SOX1: variants seen among roughly 807,000 people sequenced by gnomAD.
SOX1 encodes SRY-box transcription factor 1.
Under a neutral mutation model 0.9 loss-of-function variants are expected in SOX1, and 1 was observed. The observed-to-expected ratio is 1.07, with a 90% CI of 0.38 to 5.06. SOX1 has a LOEUF of 5.06. Ranked by LOEUF, SOX1 falls within the 30% of genes most tolerant of loss-of-function variation. SOX1 has a pLI of 0.16. For synonymous variants in SOX1, 397 were observed against 265.5 expected (o/e 1.50, Z -4.81); for missense variants, 564 against 534.4 (o/e 1.06, Z -0.55).
Position 112,070,865 on chromosome 13 carries a change from CCT to C in SOX1, c.*2034_*2035del, listed in dbSNP as rs576112587. Among the ~76,000 whole-genome samples, 489 of 150,710 alleles carry C rather than the reference CCT, an allele frequency of 3.2e-3. 10 individuals carry two copies. The highest frequency in any genetic ancestry group is 0.011 in the African/African-American group (463 of 40,410). ...TTCTAACAAGATAATAAACCCCCCCCCTCTTTTCTTTTTCTTTATTTTTATTT... is the reference window on the plus strand; with the variant it reads ...TTCTAACAAGATAATAAACCCCCCCCCTTTTCTTTTTCTTTATTTTTATTT... On this transcript the variant is annotated 3_prime_UTR_variant, in exon 1 of 1. Coordinates refer to ENST00000330949, the MANE Select transcript of SOX1 (RefSeq NM_005986.3).
Position 112,068,238 on chromosome 13 carries a change from G to T in SOX1, c.580G>T (p.Gly194Cys). The change falls in exon 1 of 1, where the codon GGC (glycine) becomes TGC (cysteine). Residue 194 changes from glycine to cysteine, a missense_variant. Physicochemically the swap from Gly to Cys is radical, Grantham distance 159. Transcript: ENST00000330949. This position sits in a 1 kb window ranked among gnomAD's most constrained non-coding sequence, Gnocchi z 6.9. Reference sequence around the variant, plus strand: ...CGGCTGGGCCAACGGCGCCTACCCCGGCTCGGTGGCGGCGGCGGCGGCGGC... The same window carrying T: ...CGGCTGGGCCAACGGCGCCTACCCCTGCTCGGTGGCGGCGGCGGCGGCGGC... ...VNGWANGAYP[G>C]SVAAAAAAAA... 1.3e-6 allele frequency: 1 copy of T among 756,912 alleles called. No homozygotes were observed. The highest frequency in any genetic ancestry group is 1.6e-6 in the Non-Finnish European group (1 of 616,748). 46.9% of individuals were successfully genotyped at this position (756,912 alleles called of 1,614,324 possible).
Position 112,068,388 on chromosome 13 carries a change from C to T in SOX1, c.730C>T (p.Gln244Ter). 1 of 1,295,342 alleles carries T rather than the reference C, an allele frequency of 7.7e-7. No homozygotes were observed. Among genetic ancestry groups the T allele is most frequent in the South Asian group, 1.4e-5 (1 of 71,128 alleles). 80.2% of individuals were successfully genotyped at this position (1,295,342 alleles called of 1,614,324 possible). Residue 244 changes from glutamine to a stop codon, truncating the protein, a stop_gained, in exon 1 of 1, where the codon CAG (glutamine) becomes TAG (stop). Coordinates refer to ENST00000330949, the MANE Select transcript of SOX1 (RefSeq NM_005986.3). LOFTEE classifies it low-confidence loss of function (END_TRUNC). The surrounding 1 kb of genome is among the most constrained non-coding windows in gnomAD (Gnocchi z 6.9). ...CCCGCACGCGCACCCGCACAACCCG[C>T]AGCCCATGCACCGCTACGACATGGG... ...HHPHAHPHNP[Q>*]PMHRYDMGAL...
At position 112,067,450 on chromosome 13, in the gene SOX1, T is replaced by A. The variant is rs1188473536; in HGVS notation, c.-209T>A. ...AGTGGTTTGTGCATCAGGAGAAACTTTCCACCTGCGAGCCGAACCGGCGCC... is the reference window on the plus strand; with the variant it reads ...AGTGGTTTGTGCATCAGGAGAAACTATCCACCTGCGAGCCGAACCGGCGCC... On this transcript the variant is annotated 5_prime_UTR_variant, in exon 1 of 1. Transcript: ENST00000330949. The surrounding 1 kb of genome is among the most constrained non-coding windows in gnomAD (Gnocchi z 5.1). Among the ~76,000 whole-genome samples the A allele has an allele frequency of 1.3e-5, 2 of 152,068 alleles. No individual in the cohort carries two copies. The highest frequency in any genetic ancestry group is 2.9e-5 in the Non-Finnish European group (2 of 68,000).
Position 112,067,965 on chromosome 13 carries a change from G to A in SOX1, c.307G>A (p.Glu103Lys). 1 of 1,607,308 alleles carries A rather than the reference G, an allele frequency of 6.2e-7. No homozygotes were observed. Among genetic ancestry groups the A allele is most frequent in the Non-Finnish European group, 8.5e-7 (1 of 1,176,666 alleles). Residue 103 changes from glutamate to lysine, a missense_variant, in exon 1 of 1, where the codon GAG (glutamate) becomes AAG (lysine). Physicochemically the swap from Glu to Lys is moderately conservative, Grantham distance 56. Transcript: ENST00000330949. This position sits in a 1 kb window ranked among gnomAD's most constrained non-coding sequence, Gnocchi z 5.1. ...SEAEKRPFID[E>K]AKRLRALHMK... ...GGCCGAGAAGCGGCCGTTCATCGAC[G>A]AGGCCAAGCGGCTGCGCGCGCTGCA...
At position 112,067,755 on chromosome 13, in the gene SOX1, G is replaced by T; in HGVS notation, c.97G>T (p.Gly33Cys). Residue 33 changes from glycine to cysteine, a missense_variant, in exon 1 of 1, where the codon GGC becomes TGC. Transcript: ENST00000330949. The surrounding 1 kb of genome is among the most constrained non-coding windows in gnomAD (Gnocchi z 5.1). Reference sequence around the variant, plus strand: ...CCCCGCCGGGGCGGGCGGCGGCGGGGGCGGAGGCGGGGGCGGCGGCGGCGG... The same window carrying T: ...CCCCGCCGGGGCGGGCGGCGGCGGGTGCGGAGGCGGGGGCGGCGGCGGCGG... The part of the protein sequence containing the change: ...SGPAGAGGGG[G>C]GGGGGGGGGG... 1 of 1,242,438 alleles carries T rather than the reference G, an allele frequency of 8.0e-7. No individual in the cohort carries two copies. The highest frequency in any genetic ancestry group is 1.0e-6 in the Non-Finnish European group (1 of 987,616). 77.0% of individuals were successfully genotyped at this position (1,242,438 alleles called of 1,614,324 possible).
chr13:112,067,754 GGGCGGA>G lies in SOX1; in HGVS notation c.102_107del (p.Gly42_Gly43del), dbSNP rs1001889852. ...GCCCCGCCGGGGCGGGCGGCGGCGGGGGCGGAGGCGGGGGCGGCGGCGGCGGCGGGG... is the reference window on the plus strand; with the variant it reads ...GCCCCGCCGGGGCGGGCGGCGGCGGGGGCGGGGGCGGCGGCGGCGGCGGGG... On this transcript the variant is annotated inframe_deletion, in exon 1 of 1. Coordinates refer to ENST00000330949, the MANE Select transcript of SOX1 (RefSeq NM_005986.3). This position sits in a 1 kb window ranked among gnomAD's most constrained non-coding sequence, Gnocchi z 5.1. 4.8e-5 allele frequency: 60 copies of G among 1,237,556 alleles called. No homozygotes were observed. The highest frequency in any genetic ancestry group is 1.9e-4 in the African/African-American group (12 of 62,718). 76.7% of individuals were successfully genotyped at this position (1,237,556 alleles called of 1,614,324 possible).
rs1875849319 is a variant in SOX1 at position 112,070,866 on chromosome 13, C to CA, written c.*2032_*2033insA. Among the ~76,000 whole-genome samples the CA allele has an allele frequency of 6.7e-6, 1 of 149,546 alleles. No homozygotes were observed. The highest frequency in any genetic ancestry group is 2.5e-5 in the African/African-American group (1 of 39,414). On this transcript the variant is annotated 3_prime_UTR_variant, in exon 1 of 1. Transcript: ENST00000330949. ...TCTAACAAGATAATAAACCCCCCCC[C>CA]TCTTTTCTTTTTCTTTATTTTTATT... is the stretch of plus-strand genomic sequence containing the variant.
In SOX1 at chr13:112,070,032, A is replaced by C. The variant is rs1245154957; in HGVS notation, c.*1198A>C. On this transcript the variant is annotated 3_prime_UTR_variant, in exon 1 of 1. Transcript: ENST00000330949. ...GGACCCTGGACCAGGCCATGGATGA[A>C]GGACAAAGACCAGGGCAGGTCACGG... The C allele has an allele frequency of 1.2e-5, 2 of 167,062 alleles. No homozygotes were observed. Among genetic ancestry groups the C allele is most frequent in the East Asian group, 3.9e-4 (2 of 5,190 alleles). 10.3% of individuals were successfully genotyped at this position (167,062 alleles called of 1,614,324 possible). A position where few individuals can be genotyped will look rare whatever the true frequency, so the allele number is the denominator to read the frequency against.
In SOX1 at chr13:112,068,797, C is replaced by T. The variant is rs199891204; in HGVS notation, c.1139C>T (p.Ala380Val). 3.5e-5 allele frequency: 43 copies of T among 1,226,122 alleles called. No homozygotes were observed. Among genetic ancestry groups the T allele is most frequent in the South Asian group, 2.6e-4 (7 of 27,242 alleles). The allele number at this position is 1,226,122 out of a possible 1,614,324, so 76.0% of individuals were successfully genotyped here. A position where few individuals can be genotyped will look rare whatever the true frequency, so the allele number is the denominator to read the frequency against. ...CCGCAGCACTACCAGGGCGCGGGCG[C>T]GGGCGTGAACGGCACGGTGCCCCTG... ...SLPQHYQGAG[A>V]GVNGTVPLTH... Residue 380 changes from alanine (A) to valine (V), a missense_variant, in exon 1 of 1, where the codon GCG becomes GTG. Ala to Val is a moderately conservative substitution (Grantham distance 64, BLOSUM62 0). Transcript: ENST00000330949. The surrounding 1 kb of genome is among the most constrained non-coding windows in gnomAD (Gnocchi z 6.9).
At position 112,070,863 on chromosome 13, in the gene SOX1, C is replaced by T. The variant is rs1875848379; in HGVS notation, c.*2029C>T. On this transcript the variant is annotated 3_prime_UTR_variant, in exon 1 of 1. Transcript: ENST00000330949. Reference sequence around the variant, plus strand: ...CTTTCTAACAAGATAATAAACCCCCCCCCTCTTTTCTTTTTCTTTATTTTT... The same window carrying T: ...CTTTCTAACAAGATAATAAACCCCCTCCCTCTTTTCTTTTTCTTTATTTTT... 1.3e-5 allele frequency among the ~76,000 whole-genome samples: 2 copies of T among 149,180 alleles called. No individual in the cohort carries two copies. The highest frequency in any genetic ancestry group is 5.1e-5 in the African/African-American group (2 of 39,026).
Position 112,070,518 on chromosome 13 carries a change from CACA to C in SOX1, c.*1687_*1689del, listed in dbSNP as rs1880861264. 1 of 165,928 alleles carries C rather than the reference CACA, an allele frequency of 6.0e-6. No individual in the cohort carries two copies. Among genetic ancestry groups the C allele is most frequent in the East Asian group, 1.9e-4 (1 of 5,188 alleles). The allele number at this position is 165,928 out of a possible 1,614,324, so 10.3% of individuals were successfully genotyped here. On this transcript the variant is annotated 3_prime_UTR_variant, in exon 1 of 1. Transcript: ENST00000330949. ...GTAGCAAATACATTTAAAAATTAAT[CACA>C]ACGTTAAGATGAAATTATATTTTTG...
chr13:112,069,009 C>A lies in SOX1; in HGVS notation c.*175C>A. ...ACGCGTGTCCCCCACTCACCTTCCCCGGAGACCCTGGCGACCGCCGGGCGC... is the reference window on the plus strand; with the variant it reads ...ACGCGTGTCCCCCACTCACCTTCCCAGGAGACCCTGGCGACCGCCGGGCGC... On this transcript the variant is annotated 3_prime_UTR_variant, in exon 1 of 1. Coordinates refer to ENST00000330949, the MANE Select transcript of SOX1 (RefSeq NM_005986.3). 1 of 416,964 alleles carries A rather than the reference C, an allele frequency of 2.4e-6. No individual in the cohort carries two copies. The highest frequency in any genetic ancestry group is 3.9e-6 in the Non-Finnish European group (1 of 257,900). The allele number at this position is 416,964 out of a possible 1,614,324, so 25.8% of individuals were successfully genotyped here. A position where few individuals can be genotyped will look rare whatever the true frequency, so the allele number is the denominator to read the frequency against.
Position 112,069,791 on chromosome 13 carries a change from A to C in SOX1, c.*957A>C, listed in dbSNP as rs551151941. 1 of 167,222 alleles carries C rather than the reference A, an allele frequency of 6.0e-6. No homozygotes were observed. Among genetic ancestry groups the C allele is most frequent in the Non-Finnish European group, 1.5e-5 (1 of 68,114 alleles). The allele number at this position is 167,222 out of a possible 1,614,324, so 10.4% of individuals were successfully genotyped here. On this transcript the variant is annotated 3_prime_UTR_variant, in exon 1 of 1. Transcript: ENST00000330949. ...ATTTTTCAAGGAACCTTTTTCAATG[A>C]AAGAGAAGGAAGTTAAAACCTATAG...
In SOX1 at chr13:112,067,979, G is replaced by A. The variant is rs146638058; in HGVS notation, c.321G>A (p.Leu107=). ...CGTTCATCGACGAGGCCAAGCGGCT[G>A]CGCGCGCTGCACATGAAGGAGCACC... ...KRPFIDEAKR[L]RALHMKEHPD... The change falls in exon 1 of 1, where the codon CTG becomes CTA. Residue 107 remains leucine, a synonymous_variant. Transcript: ENST00000330949. The surrounding 1 kb of genome is among the most constrained non-coding windows in gnomAD (Gnocchi z 5.1). 1.0e-4 allele frequency: 164 copies of A among 1,607,384 alleles called. No individual in the cohort carries two copies. The highest frequency in any genetic ancestry group is 1.3e-4 in the Non-Finnish European group (157 of 1,176,880).
chr13:112,068,712 G>A lies in SOX1; in HGVS notation c.1054G>A (p.Glu352Lys). The A allele has an allele frequency of 8.5e-7, 1 of 1,183,158 alleles. No homozygotes were observed. The highest frequency in any genetic ancestry group is 3.7e-5 in the East Asian group (1 of 27,012). 73.3% of individuals were successfully genotyped at this position (1,183,158 alleles called of 1,614,324 possible). Residue 352 changes from glutamate (E) to lysine (K), a missense_variant, in exon 1 of 1, where the codon GAG becomes AAG. Coordinates refer to ENST00000330949, the MANE Select transcript of SOX1 (RefSeq NM_005986.3). The surrounding 1 kb of genome is among the most constrained non-coding windows in gnomAD (Gnocchi z 6.9). Reference sequence around the variant, plus strand: ...GATCAGCATGTACTTGCCCGCCGGCGAGGGGGGCGACCCGGCGGCGGCAGC... The same window carrying A: ...GATCAGCATGTACTTGCCCGCCGGCAAGGGGGGCGACCCGGCGGCGGCAGC... ...EMISMYLPAG[E>K]GGDPAAAAAA...
Position 112,068,891 on chromosome 13 carries a change from C to A in SOX1, c.*57C>A. 1 of 1,174,720 alleles carries A rather than the reference C, an allele frequency of 8.5e-7. No homozygotes were observed. Among genetic ancestry groups the A allele is most frequent in the South Asian group, 4.3e-5 (1 of 23,170 alleles). 72.8% of individuals were successfully genotyped at this position (1,174,720 alleles called of 1,614,324 possible). A position where few individuals can be genotyped will look rare whatever the true frequency, so the allele number is the denominator to read the frequency against. On this transcript the variant is annotated 3_prime_UTR_variant, in exon 1 of 1. Coordinates refer to ENST00000330949, the MANE Select transcript of SOX1 (RefSeq NM_005986.3). This position sits in a 1 kb window ranked among gnomAD's most constrained non-coding sequence, Gnocchi z 6.9. The stretch of plus-strand genomic sequence containing the variant: ...CGACCCACGAGCTCGCGGCCCGCGC[C>A]CGGCTCCCGCCCCGCCCCGGCGCGG...
In SOX1 at chr13:112,067,584, C is replaced by T; in HGVS notation, c.-75C>T. ...GTCTCACTCCGTCTGAATTCCTCTC[C>T]GTCTCCCTCCCACCCCGGCCGTCTA... On this transcript the variant is annotated 5_prime_UTR_variant, in exon 1 of 1. Coordinates refer to ENST00000330949, the MANE Select transcript of SOX1 (RefSeq NM_005986.3). The surrounding 1 kb of genome is among the most constrained non-coding windows in gnomAD (Gnocchi z 5.1). 1 of 874,208 alleles carries T rather than the reference C, an allele frequency of 1.1e-6. No homozygotes were observed. The highest frequency in any genetic ancestry group is 1.5e-6 in the Non-Finnish European group (1 of 685,068). The allele number at this position is 874,208 out of a possible 1,614,324, so 54.2% of individuals were successfully genotyped here. A position where few individuals can be genotyped will look rare whatever the true frequency, so the allele number is the denominator to read the frequency against.
chr13:112,068,918 G>A lies in SOX1; in HGVS notation c.*84G>A. ...GGCTCCCGCCCCGCCCCGGCGCGGC[G>A]TGGCTTTTGTACAGACGTTCCCACA... is the stretch of plus-strand genomic sequence containing the variant. On this transcript the variant is annotated 3_prime_UTR_variant, in exon 1 of 1. Coordinates refer to ENST00000330949, the MANE Select transcript of SOX1 (RefSeq NM_005986.3). This position sits in a 1 kb window ranked among gnomAD's most constrained non-coding sequence, Gnocchi z 6.9. 1 of 1,076,768 alleles carries A rather than the reference G, an allele frequency of 9.3e-7. No individual in the cohort carries two copies. Among genetic ancestry groups the A allele is most frequent in the Non-Finnish European group, 1.2e-6 (1 of 856,236 alleles). The allele number at this position is 1,076,768 out of a possible 1,614,324, so 66.7% of individuals were successfully genotyped here.
rs1566475141 is a variant in SOX1, at chr13:112,067,555, C to T, written c.-104C>T. On this transcript the variant is annotated 5_prime_UTR_variant, in exon 1 of 1. Transcript: ENST00000330949. This position sits in a 1 kb window ranked among gnomAD's most constrained non-coding sequence, Gnocchi z 5.1. The stretch of plus-strand genomic sequence containing the variant: ...CTTCTCTCCGCTAGGACCCCCCCGC[C>T]CCCGTCTCACTCCGTCTGAATTCCT... 3.7e-6 allele frequency: 2 copies of T among 535,530 alleles called. No individual in the cohort carries two copies. The highest frequency in any genetic ancestry group is 5.5e-5 in the Admixed American group (1 of 18,106). 33.2% of individuals were successfully genotyped at this position (535,530 alleles called of 1,614,324 possible).
Sources: gnomAD v4.1 joint callset for allele counts (sites outside exome capture counted in the v4.1 genomes callset) on GRCh38, gnomAD v4.1.1 for gene constraint, Gnocchi (gnomAD v3.1) non-coding constraint, MANE v1.5 for transcripts, NCBI Gene and HGNC (gene_info 2026-07-23, HGNC 2026-07-21) for gene names.